SCN1A: variants seen among roughly 807,000 people sequenced by gnomAD.
SCN1A encodes the protein sodium voltage-gated channel alpha subunit 1.
SCN1A carries 13 observed loss-of-function variants against 193.7 expected under a neutral mutation model. That is an observed-to-expected ratio of 0.07 (90% confidence interval 0.04 to 0.11). The LOEUF (loss-of-function observed/expected upper bound fraction) is 0.11, where lower values mean the gene tolerates loss of function less well. Among genes scored for constraint, SCN1A ranks in the 10% least tolerant of loss-of-function variants. SCN1A has a pLI of 1.00. For missense variants in SCN1A, 1,432 were observed against 2,451.1 expected (o/e 0.58, Z 8.78); for synonymous variants, 781 against 843.6 (o/e 0.93, Z 1.29).
rs752891480 is a variant in SCN1A at position 165,992,465 on chromosome 2, G to A, written c.4853-43C>T. On this transcript the variant is annotated intron_variant, in intron 28 of 28. Transcript: ENST00000674923. This position sits in a 1 kb window ranked among gnomAD's most constrained non-coding sequence, Gnocchi z 6.5. ...GAATACCAACCAGTGAAGAAATCAT[G>A]CGTTAAAATAAACATATGTTTCTTC... is the stretch of plus-strand genomic sequence containing the variant. The A allele has an allele frequency of 3.7e-5, 59 of 1,607,986 alleles. No individual in the cohort carries two copies. The highest frequency in any genetic ancestry group is 4.9e-5 in the Non-Finnish European group (58 of 1,175,016).
At chr2:166,089,601 G>C (rs1686548602) in intron 2 of SCN1A, among the ~76,000 whole-genome samples, 1 of 152,060 alleles carries the variant, frequency 6.6e-6, no homozygotes, top group African/African-American at 2.4e-5. Flanking sequence ...GCTGGGACCT[G>C]TTAATTTCAG....
chr2:166,050,635 A>ATATATATATATATG (rs1553548978), intron 9 of SCN1A, among the ~76,000 whole-genome samples: 2 of 83,198 alleles, frequency 2.4e-5, no homozygotes, highest in African/African-American at 5.2e-5. Context: ...ATATATATAT[A>ATATATATATATATG]TATGTGTGTA....
In SCN1A at chr2:166,036,123, A is replaced by G; in HGVS notation, c.3354T>C (p.Ala1118=). ...NPSLTVTVPI[A]VGESDFENLN... ...AATTTTCAAAGTCAGATTCTCCTAC[A>G]GCAATTGGTACAGTCACAGTAAGAC... Residue 1118 remains alanine (A), a synonymous_variant, in exon 19 of 29, where the codon GCT becomes GCC. Transcript: ENST00000674923. 3.1e-6 allele frequency: 5 copies of G among 1,614,012 alleles called. No homozygotes were observed. The highest frequency in any genetic ancestry group is 2.2e-5 in the South Asian group (2 of 91,078).
intron 5 of SCN1A, among the ~76,000 whole-genome samples, chr2:166,057,032 G>A (rs1290649998): frequency 6.6e-6 from 1 of 152,074 alleles, no homozygotes; most frequent in Non-Finnish European, 1.5e-5. Flanking sequence ...TTTTGACTGA[G>A]TTTATACAAG....
Position 166,011,687 on chromosome 2 carries a change from T to C in SCN1A, c.3879+422A>G, listed in dbSNP as rs1209367814. Among the ~76,000 whole-genome samples, 4 of 151,258 alleles carry C rather than the reference T, an allele frequency of 2.6e-5. No individual in the cohort carries two copies. In the East Asian group the frequency reaches 7.8e-4, roughly 30 times the overall value. ...TGTTTTTATTGAGTGCCTTTAATACTGTACAAGTTGGGGGTCAAGAGTTTG... is the reference window on the plus strand; with the variant it reads ...TGTTTTTATTGAGTGCCTTTAATACCGTACAAGTTGGGGGTCAAGAGTTTG... On this transcript the variant is annotated intron_variant, in intron 22 of 28. Transcript: ENST00000674923.
intron 3 of SCN1A, among the ~76,000 whole-genome samples, chr2:166,075,790 A>G (rs1455349998): frequency 2.0e-5 from 3 of 152,048 alleles, no homozygotes; most frequent in African/African-American, 7.2e-5. Flanking sequence ...CCTGACAGCA[A>G]TGTAACAGAG....
chr2:165,991,505 G>A lies in SCN1A; in HGVS notation c.5770C>T (p.Arg1924Cys), dbSNP rs199988999. The stretch of plus-strand genomic sequence containing the variant: ...TTTAAAAGGTGGCGTCTGTAAGCAC[G>A]CTGAATAATGACAGCAGATACTTCC... ...QEEVSAVIIQ[R>C]AYRRHLLKRT... Residue 1924 changes from arginine to cysteine, a missense_variant, in exon 29 of 29, where the codon CGT becomes TGT. By Grantham distance (180) the Arg-to-Cys change is radical (BLOSUM62 -3). This residue lies in a region of SCN1A where 148 missense variants were observed against 160.3 expected (regional missense o/e 0.92). Transcript: ENST00000674923. 1 of 1,613,908 alleles carries A rather than the reference G, an allele frequency of 6.2e-7. No individual in the cohort carries two copies. The highest frequency in any genetic ancestry group is 2.2e-5 in the East Asian group (1 of 44,850).
intron 23 of SCN1A, among the ~76,000 whole-genome samples, chr2:166,004,411 A>G (rs371625322): frequency 3.3e-5 from 5 of 151,430 alleles, no homozygotes; most frequent in African/African-American, 1.2e-4. Flanking sequence ...TTCTTTTCAC[A>G]TTACCTGTCT....
Position 165,989,015 on chromosome 2 carries a change from C to T in SCN1A, c.*2230G>A, listed in dbSNP as rs576318663. On this transcript the variant is annotated 3_prime_UTR_variant, in exon 29 of 29. Transcript: ENST00000674923. ...TATCTACCCTAGGTTTTGTTGTCAA[C>T]GTGGGTATGCCTCTGTGTGTGTGTG... is the stretch of plus-strand genomic sequence containing the variant. 17 of 137,404 alleles carry T rather than the reference C, an allele frequency of 1.2e-4. No homozygotes were observed. The highest frequency in any genetic ancestry group is 1.1e-3 in the Admixed American group (14 of 13,112). 8.5% of individuals were successfully genotyped at this position (137,404 alleles called of 1,614,324 possible).
Position 166,012,298 on chromosome 2 carries a change from T to C in SCN1A, c.3706-16A>G. On this transcript the variant is annotated splice_polypyrimidine_tract_variant and intron_variant, in intron 21 of 28. Transcript: ENST00000674923. ...CTTCAAATGCCTATAAAGAAAATGTTACACATTATTAGCTTTCAAAAATAA... is the reference window on the plus strand; with the variant it reads ...CTTCAAATGCCTATAAAGAAAATGTCACACATTATTAGCTTTCAAAAATAA... 2 of 1,581,646 alleles carry C rather than the reference T, an allele frequency of 1.3e-6. No individual in the cohort carries two copies. Among genetic ancestry groups the C allele is most frequent in the African/African-American group, 2.7e-5 (2 of 74,106 alleles).
intron 19 of SCN1A, among the ~76,000 whole-genome samples, chr2:166,028,437 C>A (rs988915861): frequency 1.3e-5 from 2 of 152,030 alleles, no homozygotes; most frequent in African/African-American, 4.8e-5. Flanking sequence ...TAATAAGTGT[C>A]TACTGGGCAA....
chr2:166,143,321 C>G (rs13424755), intron 1 of SCN1A, among the ~76,000 whole-genome samples: 35,314 of 151,708 alleles, frequency 0.23, 4,188 homozygotes, highest in Non-Finnish European at 0.26. Flanking sequence ...CGCCTGCCAC[C>G]ACGCCCGGCT....
At chr2:166,053,765 A>T (rs1017609880) in intron 7 of SCN1A, among the ~76,000 whole-genome samples, 2 of 151,890 alleles carry the variant, frequency 1.3e-5, no homozygotes, top group Non-Finnish European at 2.9e-5. Context: ...GTTAGAGGCC[A>T]AAAAATCAGC....
chr2:166,089,411 G>C (rs2106071137), intron 2 of SCN1A, among the ~76,000 whole-genome samples: 1 of 152,164 alleles, frequency 6.6e-6, no homozygotes, highest in South Asian at 2.1e-4. Flanking sequence ...TTTCAGTTCA[G>C]TTAGCAAGCG....
chr2:166,032,202 TACACAC>T, intron 19 of SCN1A, among the ~76,000 whole-genome samples: 19 of 77,234 alleles, frequency 2.5e-4, no homozygotes, highest in African/African-American at 5.5e-4. Flanking sequence ...TTGAAAGTCA[TACACAC>T]ACACACACAC....
intron 2 of SCN1A, among the ~76,000 whole-genome samples, chr2:166,109,159 A>G (rs1689019323): frequency 6.6e-6 from 1 of 152,118 alleles, no homozygotes; most frequent in Non-Finnish European, 1.5e-5. Flanking sequence ...TCATCTTAGT[A>G]TGTTTATTAA....
chr2:166,123,223 CAAAAAAAAAAAAAAAAAAAAAAAAAAA>C (rs57488795), intron 2 of SCN1A, among the ~76,000 whole-genome samples: 3 of 116,402 alleles, frequency 2.6e-5, no homozygotes, highest in South Asian at 2.8e-4. Flanking sequence ...CATTCATTTG[CAAAAAAAAAAAAAAAAAAAAAAAAAAA>C]AAAAAAAAAA....
At chr2:166,114,829 A>G (rs1209678191) in intron 2 of SCN1A, among the ~76,000 whole-genome samples, 6 of 152,302 alleles carry the variant, frequency 3.9e-5, no homozygotes, top group Admixed American at 1.3e-4. Flanking sequence ...AAAATTGAAA[A>G]CACCATAGGA....
intron 2 of SCN1A, among the ~76,000 whole-genome samples, chr2:166,089,906 C>G (rs1686590479): frequency 6.6e-6 from 1 of 151,866 alleles, no homozygotes; most frequent in African/African-American, 2.4e-5. Context: ...AGATTATCCT[C>G]AAATATATGA....
Sources: allele counts gnomAD v4.1 joint callset (sites outside exome capture counted in the v4.1 genomes callset), GRCh38; gene constraint gnomAD v4.1.1; regional missense constraint gnomAD v4.1.1; non-coding constraint Gnocchi (gnomAD v3.1); transcripts MANE v1.5; gene names NCBI Gene and HGNC (gene_info 2026-07-23, HGNC 2026-07-21).